WBP1L: variants seen among roughly 807,000 people sequenced by gnomAD.
WBP1L encodes the protein WW domain binding protein 1-like.
Under a neutral mutation model 33.7 loss-of-function variants are expected in WBP1L, and 17 were observed. The observed-to-expected ratio is 0.50, with a 90% CI of 0.34 to 0.76. The LOEUF (loss-of-function observed/expected upper bound fraction) is 0.76, where lower values mean the gene tolerates loss of function less well. Ranked by LOEUF, WBP1L falls within the 30% of genes least tolerant of loss-of-function variation. The pLI, the probability that WBP1L is intolerant of heterozygous loss-of-function variation, is 0.01. For missense variants in WBP1L, 389 were observed against 469.4 expected (o/e 0.83, Z 1.58); for synonymous variants, 173 against 190.8 (o/e 0.91, Z 0.77).
intron 1 of WBP1L, among the ~76,000 whole-genome samples, chr10:102,745,629 T>C (rs1448147044): frequency 2.6e-5 from 4 of 152,238 alleles, no homozygotes; most frequent in Non-Finnish European, 4.4e-5. Flanking sequence ...TAGCATGTAC[T>C]AGTACTTCAT....
chr10:102,770,988 A>G (rs969668949), intron 1 of WBP1L, among the ~76,000 whole-genome samples: 1 of 152,212 alleles, frequency 6.6e-6, no homozygotes, highest in Non-Finnish European at 1.5e-5. Flanking sequence ...GGCAAGTTAC[A>G]TAAACCCCAT....
chr10:102,776,365 G>T, intron 1 of WBP1L: 2 of 1,614,144 alleles, frequency 1.2e-6, no homozygotes, highest in South Asian at 2.2e-5. Context: ...TTGTTCCAAC[G>T]TTAGTGTGGA....
chr10:102,781,156 C>T (rs2134045754), intron 1 of WBP1L, among the ~76,000 whole-genome samples: 1 of 152,260 alleles, frequency 6.6e-6, no homozygotes, highest in East Asian at 1.9e-4. Flanking sequence ...TAGAATGTTG[C>T]ATGGTACTTA....
intron 1 of WBP1L, among the ~76,000 whole-genome samples, chr10:102,769,033 A>G (rs1843151776): frequency 6.6e-6 from 1 of 152,020 alleles, no homozygotes; most frequent in Non-Finnish European, 1.5e-5. Context: ...TACCCAGGCT[A>G]GAGTGCAGTG....
At chr10:102,792,885 G>A (rs928153826) in intron 1 of WBP1L, among the ~76,000 whole-genome samples, 1 of 151,876 alleles carries the variant, frequency 6.6e-6, no homozygotes, top group African/African-American at 2.4e-5. Flanking sequence ...GTGAGCCACC[G>A]CGCCGCCTAG....
intron 2 of WBP1L, among the ~76,000 whole-genome samples, chr10:102,800,966 G>A (rs574623013): frequency 5.9e-5 from 9 of 152,184 alleles, no homozygotes; most frequent in Admixed American, 3.3e-4. Context: ...AAAGGCCTCC[G>A]GGAAAAAATG....
rs1433624810 is a variant in WBP1L, at chr10:102,759,743, C to T, written c.90+15600C>T. On this transcript the variant is annotated intron_variant, in intron 1 of 3. Coordinates refer to ENST00000448841, the MANE Select transcript of WBP1L (RefSeq NM_001083913.2). ...TCACAGGAAAGATCATAGCTCACTACAGCCTCCAACTCCCAGGCTCAAGCG... is the reference window on the plus strand; with the variant it reads ...TCACAGGAAAGATCATAGCTCACTATAGCCTCCAACTCCCAGGCTCAAGCG... Among the ~76,000 whole-genome samples, 3 of 152,322 alleles carry T rather than the reference C, an allele frequency of 2.0e-5. No individual in the cohort carries two copies. In the East Asian group the frequency reaches 5.8e-4, roughly 29 times the overall value.
At position 102,816,004 on chromosome 10, in the gene WBP1L, T is replaced by C. The variant is rs1339137870; in HGVS notation, c.*2673T>C. The C allele has an allele frequency of 1.3e-5, 2 of 152,696 alleles. No homozygotes were observed. Among genetic ancestry groups the C allele is most frequent in the Admixed American group, 1.3e-4 (2 of 15,284 alleles). 9.5% of individuals were successfully genotyped at this position (152,696 alleles called of 1,614,324 possible). A position where few individuals can be genotyped will look rare whatever the true frequency, so the allele number is the denominator to read the frequency against. Reference sequence around the variant, plus strand: ...CCAGGGAGATGTGACTGAGGCTGGCTTTCCACGTGAATGAGACGGGGTCGG... The same window carrying C: ...CCAGGGAGATGTGACTGAGGCTGGCCTTCCACGTGAATGAGACGGGGTCGG... On this transcript the variant is annotated 3_prime_UTR_variant, in exon 4 of 4. Coordinates refer to ENST00000448841, the MANE Select transcript of WBP1L (RefSeq NM_001083913.2).
At chr10:102,797,108 G>T (rs1236413236) in intron 1 of WBP1L, among the ~76,000 whole-genome samples, 2 of 152,324 alleles carry the variant, frequency 1.3e-5, no homozygotes, top group Non-Finnish European at 2.9e-5. Flanking sequence ...TATCTGAGCA[G>T]TTCGGCCCTT....
At chr10:102,812,222 C>G (rs1279305480) in intron 3 of WBP1L, among the ~76,000 whole-genome samples, 2 of 152,236 alleles carry the variant, frequency 1.3e-5, no homozygotes, top group African/African-American at 4.8e-5. Context: ...AGGACACACT[C>G]TAAGCAAGAA....
chr10:102,812,495 G>T, intron 3 of WBP1L, 100 bp from the exon 4 acceptor site: 1 of 1,382,932 alleles, frequency 7.2e-7, no homozygotes, highest in Middle Eastern at 1.9e-4. Flanking sequence ...TGGGTGCTCT[G>T]GGGTGGGAAG....
At chr10:102,781,622 G>C (rs1406969622) in intron 1 of WBP1L, among the ~76,000 whole-genome samples, 1 of 151,986 alleles carries the variant, frequency 6.6e-6, no homozygotes, top group Non-Finnish European at 1.5e-5. Context: ...TGTTACCCTC[G>C]GGCCCAACCT....
intron 3 of WBP1L, among the ~76,000 whole-genome samples, 172 bp from the exon 4 acceptor site, chr10:102,812,423 T>C (rs987630425): frequency 2.0e-5 from 3 of 152,170 alleles, no homozygotes; most frequent in Admixed American, 1.3e-4. Flanking sequence ...CCTCTCTCTC[T>C]GCAGAATTGC....
rs1351214180 is a variant in WBP1L at position 102,768,364 on chromosome 10, GTTTTTTGTT to G, written c.90+24228_90+24236del. Among the ~76,000 whole-genome samples, 7 of 44,560 alleles carry G rather than the reference GTTTTTTGTT, an allele frequency of 1.6e-4. 1 individual carries two copies. The highest frequency in any genetic ancestry group is 7.9e-4 in the African/African-American group (7 of 8,868). 29.2% of individuals were successfully genotyped at this position (44,560 alleles called of 152,430 possible). Reference sequence around the variant, plus strand: ...GCTTGAGCCATTGCGCCTGGCATTAGTTTTTTGTTTTTTTTTTTTTTTTTTTTTTTTTGA... The same window carrying G: ...GCTTGAGCCATTGCGCCTGGCATTAGTTTTTTTTTTTTTTTTTTTTTTTGA... On this transcript the variant is annotated intron_variant, in intron 1 of 3. Coordinates refer to ENST00000448841, the MANE Select transcript of WBP1L (RefSeq NM_001083913.2).
intron 2 of WBP1L, among the ~76,000 whole-genome samples, chr10:102,805,856 C>T (rs1843725372): frequency 6.6e-6 from 1 of 151,494 alleles, no homozygotes; most frequent in South Asian, 2.1e-4. Flanking sequence ...TGCGTTCACA[C>T]CACTGCACTC....
chr10:102,751,896 G>A (rs151045927), intron 1 of WBP1L, among the ~76,000 whole-genome samples: 17 of 152,204 alleles, frequency 1.1e-4, no homozygotes, highest in African/African-American at 4.1e-4. Context: ...TAAAGCTCTT[G>A]GAATATATTC....
intron 1 of WBP1L, among the ~76,000 whole-genome samples, chr10:102,768,223 T>G (rs151137139): frequency 0.014 from 2,078 of 151,554 alleles, 23 homozygotes; most frequent in South Asian, 0.024. Flanking sequence ...TACAGGCATG[T>G]GCCACCATGC....
At chr10:102,790,764 G>A (rs1222483216) in intron 1 of WBP1L, among the ~76,000 whole-genome samples, 2 of 152,058 alleles carry the variant, frequency 1.3e-5, no homozygotes, top group African/African-American at 2.4e-5. Flanking sequence ...GCCCGCCTCA[G>A]CCTCCCAAAG....
chr10:102,805,975 C>T (rs906352734), intron 2 of WBP1L, among the ~76,000 whole-genome samples: 19 of 150,058 alleles, frequency 1.3e-4, no homozygotes, highest in African/African-American at 3.2e-4. Flanking sequence ...CTGAGGCGGG[C>T]GGATCACTTG....
Sources: gnomAD v4.1 joint callset for allele counts (sites outside exome capture counted in the v4.1 genomes callset) on GRCh38, gnomAD v4.1.1 for gene constraint, MANE v1.5 for transcripts, NCBI Gene and HGNC (gene_info 2026-07-23, HGNC 2026-07-21) for gene names.